The following LZTFL1 variants were observed in gnomAD, a reference collection of about 807,000 sequenced individuals.
LZTFL1 encodes the protein leucine zipper transcription factor-like protein 1.
A neutral mutation model predicts 45.9 loss-of-function variants in LZTFL1; 25 were observed. That is an observed-to-expected ratio of 0.54 (90% confidence interval 0.40 to 0.76). The LOEUF is 0.76. Ranked by LOEUF, LZTFL1 falls within the 30% of genes least tolerant of loss-of-function variation. LZTFL1 has a pLI of 0.00. For missense variants in LZTFL1, 277 were observed against 331.1 expected (o/e 0.84, Z 1.27); for synonymous variants, 93 against 117.4 (o/e 0.79, Z 1.35).
chr3:45,836,038 C>T (rs1700958486), intron 2 of LZTFL1, among the ~76,000 whole-genome samples: 1 of 152,108 alleles, frequency 6.6e-6, no homozygotes, highest in South Asian at 2.1e-4. Context: ...ATTCCCAAAA[C>T]CATCATCTAC....
rs757657076 is a variant in LZTFL1 at position 45,826,273 on chromosome 3, G to C, written c.*41C>G. 3 of 1,592,160 alleles carry C rather than the reference G, an allele frequency of 1.9e-6. No individual in the cohort carries two copies. The highest frequency in any genetic ancestry group is 2.2e-5 in the South Asian group (2 of 90,298). On this transcript the variant is annotated 3_prime_UTR_variant, in exon 10 of 10. Transcript: ENST00000296135. ...ATACATGCCTGAGGTGAGACTGCTT[G>C]TATGTTTGCATGTGGTAGCTTCCAG...
At chr3:45,890,718 T>A (rs1254416441) in intron 2 of LZTFL1, among the ~76,000 whole-genome samples, 1 of 152,096 alleles carries the variant, frequency 6.6e-6, no homozygotes, top group Non-Finnish European at 1.5e-5. Flanking sequence ...GAATACAACC[T>A]TTCTGAAGAA....
At chr3:45,842,500 C>T (rs9823284), upstream of LZTFL1, among the ~76,000 whole-genome samples, 11,417 of 152,034 alleles carry the variant, frequency 0.075, 515 homozygotes, top group Non-Finnish European at 0.088. Flanking sequence ...TCAGGAGTTC[C>T]TACCTGAGCA....
chr3:45,827,402 T>C lies in LZTFL1; in HGVS notation c.835A>G (p.Thr279Ala), dbSNP rs1345647764. Residue 279 changes from threonine to alanine, a missense_variant, in exon 9 of 10, where the codon ACC (threonine) becomes GCC (alanine). By Grantham distance (58) the Thr-to-Ala change is moderately conservative. Transcript: ENST00000296135. ...TCTTTGATTTGGTCATTCTTCTTGG[T>C]AAGAATCTCTTTCATGTTTCGATAA... ...AAYRNMKEILTKKNDQIKDLR... is the reference protein window; with the variant it reads ...AAYRNMKEILAKKNDQIKDLR... 6.2e-7 allele frequency: 1 copy of C among 1,614,052 alleles called. No homozygotes were observed. The highest frequency in any genetic ancestry group is 8.5e-7 in the Non-Finnish European group (1 of 1,179,926).
intron 2 of LZTFL1, among the ~76,000 whole-genome samples, chr3:45,866,289 C>T (rs1701576865): frequency 1.3e-5 from 2 of 152,038 alleles, no homozygotes. Context: ...TTATAGTGCG[C>T]TAATCATAAC....
chr3:45,911,877 G>A (rs377714705), intron 2 of LZTFL1, among the ~76,000 whole-genome samples: 1 of 152,262 alleles, frequency 6.6e-6, no homozygotes, highest in Non-Finnish European at 1.5e-5. Flanking sequence ...TGATGTGAAT[G>A]TCTTTTTAGA....
intron 3 of LZTFL1, 47 bp downstream of exon 3, chr3:45,835,543 T>A: frequency 6.5e-7 from 1 of 1,548,312 alleles, no homozygotes; most frequent in Non-Finnish European, 8.9e-7. Flanking sequence ...CTTTTAAGAT[T>A]ATGCTTGGGC....
chr3:45,915,498 G>A (rs1464939557), exon 1 of LZTFL1: 2 of 456,444 alleles, frequency 4.4e-6, no homozygotes, highest in Non-Finnish European at 8.8e-6. Context: ...GGCCTTGGGA[G>A]CAGAAAGCGG....
intron 9 of LZTFL1, among the ~76,000 whole-genome samples, chr3:45,826,535 G>A (rs929189866): frequency 2.0e-5 from 3 of 152,182 alleles, no homozygotes; most frequent in East Asian, 1.9e-4. Context: ...CACTGCTAAG[G>A]CTCCAAGTCT....
chr3:45,907,258 T>C (rs1008877023), intron 2 of LZTFL1, among the ~76,000 whole-genome samples: 9 of 152,196 alleles, frequency 5.9e-5, no homozygotes, highest in African/African-American at 2.2e-4. Flanking sequence ...GCCCAGGGAC[T>C]GGCATCTCCT....
intron 2 of LZTFL1, among the ~76,000 whole-genome samples, chr3:45,879,225 T>C (rs1269855985): frequency 6.6e-6 from 1 of 152,234 alleles, no homozygotes; most frequent in Non-Finnish European, 1.5e-5. Flanking sequence ...ACGGCAACTT[T>C]ATTCATAATT....
At chr3:45,877,990 C>T (rs560639854) in intron 2 of LZTFL1, among the ~76,000 whole-genome samples, 1 of 152,168 alleles carries the variant, frequency 6.6e-6, no homozygotes, top group Non-Finnish European at 1.5e-5. Flanking sequence ...AAATGATCCA[C>T]CCGCCTCAGC....
intron 2 of LZTFL1, among the ~76,000 whole-genome samples, chr3:45,865,375 C>T (rs1397006114): frequency 6.6e-6 from 1 of 152,250 alleles, no homozygotes; most frequent in Non-Finnish European, 1.5e-5. Flanking sequence ...GACCTCCAAG[C>T]TTCATTGTTC....
At chr3:45,880,545 T>C (rs547895192) in intron 2 of LZTFL1, among the ~76,000 whole-genome samples, 1 of 152,218 alleles carries the variant, frequency 6.6e-6, no homozygotes, top group South Asian at 2.1e-4. Context: ...ATATAAGTCC[T>C]TTGGGTAGCT....
At chr3:45,838,177 C>T in intron 1 of LZTFL1, 126 bp from the exon 2 acceptor site, 1 of 1,087,502 alleles carries the variant, frequency 9.2e-7, no homozygotes, top group East Asian at 2.7e-5. Context: ...TTCTTCCCTT[C>T]TTCCTGGCTG....
rs953411615 is a variant in LZTFL1, at chr3:45,825,221, C to T, written c.*1093G>A. ...GGTGTGATACTCTCACTTTTAGAAG[C>T]AGGAAAAATTACTAAATATTAATAT... On this transcript the variant is annotated 3_prime_UTR_variant, in exon 10 of 10. Coordinates refer to ENST00000296135, the MANE Select transcript of LZTFL1 (RefSeq NM_020347.4). 1 of 239,912 alleles carries T rather than the reference C, an allele frequency of 4.2e-6. No individual in the cohort carries two copies. The highest frequency in any genetic ancestry group is 2.2e-5 in the African/African-American group (1 of 44,800). The allele number at this position is 239,912 out of a possible 1,614,324, so 14.9% of individuals were successfully genotyped here. A position where few individuals can be genotyped will look rare whatever the true frequency, so the allele number is the denominator to read the frequency against.
upstream of LZTFL1, among the ~76,000 whole-genome samples, chr3:45,844,469 G>A (rs1279011304): frequency 6.6e-6 from 1 of 152,040 alleles, no homozygotes; most frequent in East Asian, 1.9e-4. Flanking sequence ...AAAAATAGGT[G>A]ATACACAGAA....
rs564740090 is a variant in LZTFL1 at position 45,850,545 on chromosome 3, C to T, written c.-49+4441G>A. ...GCCCTGATTCCTAATTCCCTTGATTCACATTCAATCATTTCAGTGTCCCCA... is the reference window on the plus strand; with the variant it reads ...GCCCTGATTCCTAATTCCCTTGATTTACATTCAATCATTTCAGTGTCCCCA... On this transcript the variant is annotated intron_variant, in intron 4 of 4. Coordinates refer to the LZTFL1 transcript ENST00000472635. Among the ~76,000 whole-genome samples the T allele has an allele frequency of 9.8e-5, 15 of 152,316 alleles. No homozygotes were observed. The South Asian group carries it at 3.1e-3, about 32-fold the overall frequency.
At chr3:45,905,496 G>A (rs1696710644) in intron 2 of LZTFL1, among the ~76,000 whole-genome samples, 1 of 152,208 alleles carries the variant, frequency 6.6e-6, no homozygotes, top group Admixed American at 6.5e-5. Flanking sequence ...ACGCTCAATT[G>A]TGGCACCACA....
Sources: allele counts gnomAD v4.1 joint callset (sites outside exome capture counted in the v4.1 genomes callset), GRCh38; gene constraint gnomAD v4.1.1; transcripts MANE v1.5; gene names NCBI Gene and HGNC (gene_info 2026-07-23, HGNC 2026-07-21).